The following DIAPH3 variants were observed in gnomAD, a reference collection of about 807,000 sequenced individuals.
The protein encoded by DIAPH3 is diaphanous related formin 3, also known as protein diaphanous homolog 3.
In DIAPH3, 117 loss-of-function variants were observed where a neutral mutation model predicts 144.3. The observed-to-expected ratio is 0.81, with a 90% CI of 0.70 to 0.95. The LOEUF is 0.95. Ranked by LOEUF, DIAPH3 falls within the 40% of genes least tolerant of loss-of-function variation. The pLI, the probability that DIAPH3 is intolerant of heterozygous loss-of-function variation, is 0.00. For missense variants in DIAPH3, 1,421 were observed against 1,412.7 expected (o/e 1.01, Z -0.09); for synonymous variants, 519 against 488.9 (o/e 1.06, Z -0.81).
chr13:59,992,272 C>T (rs1179393823), intron 10 of DIAPH3, 86 bp from the exon 11 acceptor site: 2 of 1,180,270 alleles, frequency 1.7e-6, no homozygotes, highest in Non-Finnish European at 2.5e-6. Context: ...ATAAACCAAC[C>T]ATTCAACTTG....
rs370337367 is a variant in DIAPH3 at position 59,769,815 on chromosome 13, C to T, written c.3319+4374G>A. ...CAGCTGATTTCTTAACACTCAAACA[C>T]CATACTATGATATTTATTAAAATGC... On this transcript the variant is annotated intron_variant, in intron 27 of 27. Coordinates refer to ENST00000400324, the MANE Select transcript of DIAPH3 (RefSeq NM_001042517.2). Among the ~76,000 whole-genome samples the T allele has an allele frequency of 3.9e-5, 6 of 152,036 alleles. No homozygotes were observed. The South Asian group carries it at 1.3e-3, about 32-fold the overall frequency.
intron 20 of DIAPH3, among the ~76,000 whole-genome samples, chr13:59,881,159 ATATTT>A (rs1382754143): frequency 1.3e-5 from 2 of 150,952 alleles, no homozygotes; most frequent in Non-Finnish European, 2.9e-5. Flanking sequence ...AAAATATATT[ATATTT>A]TAAGACAGAT....
intron 27 of DIAPH3, among the ~76,000 whole-genome samples, chr13:59,762,161 C>T (rs1473044788): frequency 1.4e-5 from 2 of 145,636 alleles, no homozygotes; most frequent in African/African-American, 2.5e-5. Flanking sequence ...TGAGTTCAAG[C>T]GATTCCCCTG....
chr13:60,010,599 T>C lies in DIAPH3; in HGVS notation c.842A>G (p.His281Arg). ...AACCACATCTGTCATCATATTGGGG[T>C]GTCTGGGATCCACGGCTTTGGCCAA... ...SLLAKAVDPR[H>R]PNMMTDVVKL... Residue 281 changes from histidine to arginine, a missense_variant, in exon 8 of 28, where the codon CAC (histidine) becomes CGC (arginine). Coordinates refer to ENST00000400324, the MANE Select transcript of DIAPH3 (RefSeq NM_001042517.2). 1 of 1,613,570 alleles carries C rather than the reference T, an allele frequency of 6.2e-7. No homozygotes were observed. Among genetic ancestry groups the C allele is most frequent in the South Asian group, 1.1e-5 (1 of 90,980 alleles).
chr13:59,736,277 C>G (rs2036149401), intron 27 of DIAPH3, among the ~76,000 whole-genome samples: 1 of 152,108 alleles, frequency 6.6e-6, no homozygotes, highest in Non-Finnish European at 1.5e-5. Context: ...TTACAACAGA[C>G]TGATTTATAT....
At chr13:59,668,189 A>G (rs2032132742) in intron 27 of DIAPH3, among the ~76,000 whole-genome samples, 1 of 152,194 alleles carries the variant, frequency 6.6e-6, no homozygotes, top group Non-Finnish European at 1.5e-5. Flanking sequence ...TATAATGTAC[A>G]TATTGTGTTT....
chr13:59,804,954 C>A (rs1304207633), intron 25 of DIAPH3, among the ~76,000 whole-genome samples: 2 of 152,066 alleles, frequency 1.3e-5, no homozygotes, highest in Non-Finnish European at 2.9e-5. Context: ...AAAATGGAGG[C>A]CTAATTGCTT....
At chr13:59,970,308 T>C (rs549985129) in intron 16 of DIAPH3, among the ~76,000 whole-genome samples, 40 of 152,322 alleles carry the variant, frequency 2.6e-4, no homozygotes, top group African/African-American at 9.6e-4. Context: ...TTCTTCTCAA[T>C]TGCATTTCTC....
chr13:59,869,807 TTCACATC>T (rs2044147685), intron 21 of DIAPH3, among the ~76,000 whole-genome samples: 1 of 152,210 alleles, frequency 6.6e-6, no homozygotes, highest in South Asian at 2.1e-4. Flanking sequence ...TGGGTATCTC[TTCACATC>T]TTTTGATCAT....
chr13:59,734,232 T>C (rs2036027639), intron 27 of DIAPH3, among the ~76,000 whole-genome samples: 1 of 152,100 alleles, frequency 6.6e-6, no homozygotes, highest in South Asian at 2.1e-4. Context: ...TCAAACAGCT[T>C]AGTAGGAATG....
intron 17 of DIAPH3, among the ~76,000 whole-genome samples, chr13:59,955,565 T>G (rs1051827647): frequency 6.6e-6 from 1 of 152,160 alleles, no homozygotes; most frequent in African/African-American, 2.4e-5. Flanking sequence ...AAATTGGCAC[T>G]GCAGAGTGGG....
intron 27 of DIAPH3, among the ~76,000 whole-genome samples, chr13:59,736,080 T>C (rs1172611700): frequency 1.3e-5 from 2 of 152,212 alleles, no homozygotes; most frequent in Non-Finnish European, 2.9e-5. Flanking sequence ...CTAAGGATAA[T>C]GGCATCAAGC....
intron 27 of DIAPH3, among the ~76,000 whole-genome samples, chr13:59,772,948 C>T (rs1436008131): frequency 6.6e-6 from 1 of 152,050 alleles, no homozygotes; most frequent in Non-Finnish European, 1.5e-5. Flanking sequence ...TTTTCAGCCT[C>T]TCTGGGTTTC....
chr13:59,987,544 G>A (rs1182608183), intron 12 of DIAPH3, among the ~76,000 whole-genome samples: 1 of 146,808 alleles, frequency 6.8e-6, no homozygotes, highest in Non-Finnish European at 1.5e-5. Flanking sequence ...GATTAGTTGA[G>A]CATGAGTAGG....
At chr13:59,762,187 G>A (rs538890014) in intron 27 of DIAPH3, among the ~76,000 whole-genome samples, 33 of 149,488 alleles carry the variant, frequency 2.2e-4, no homozygotes, top group South Asian at 1.5e-3. Context: ...GCCTCCGGAC[G>A]AGTAGCTGGG....
chr13:60,006,092 A>T (rs935526797), intron 9 of DIAPH3, among the ~76,000 whole-genome samples: 1 of 152,198 alleles, frequency 6.6e-6, no homozygotes, highest in Non-Finnish European at 1.5e-5. Context: ...TTTACCCCCT[A>T]AATTTTTTAA....
intron 22 of DIAPH3, among the ~76,000 whole-genome samples, chr13:59,846,596 A>T (rs2042645777): frequency 6.6e-6 from 1 of 151,916 alleles, no homozygotes; most frequent in Non-Finnish European, 1.5e-5. Context: ...AGGTGGTCCA[A>T]AACAAACCTC....
chr13:60,079,418 T>C (rs963297387), intron 4 of DIAPH3, among the ~76,000 whole-genome samples: 3 of 151,942 alleles, frequency 2.0e-5, no homozygotes, highest in Non-Finnish European at 4.4e-5. Flanking sequence ...TAATCATATA[T>C]GAGAATTAAA....
chr13:59,794,796 A>G (rs1481508136), intron 25 of DIAPH3, among the ~76,000 whole-genome samples: 1 of 152,218 alleles, frequency 6.6e-6, no homozygotes, highest in East Asian at 1.9e-4. Context: ...GGAACCAGCT[A>G]CCATGCCCAG....
Sources: allele counts gnomAD v4.1 joint callset (sites outside exome capture counted in the v4.1 genomes callset), GRCh38; gene constraint gnomAD v4.1.1; transcripts MANE v1.5; gene names NCBI Gene and HGNC (gene_info 2026-07-23, HGNC 2026-07-21).